EXOC6: variants seen among roughly 807,000 people sequenced by gnomAD.
EXOC6 encodes the protein exocyst complex component 6, also known as SEC15-like 1.
A neutral mutation model predicts 112.5 loss-of-function variants in EXOC6; 60 were observed. That is an observed-to-expected ratio of 0.53 (90% CI 0.43 to 0.66). The LOEUF (loss-of-function observed/expected upper bound fraction) is 0.66, where lower values mean the gene tolerates loss of function less well. Ranked by LOEUF, EXOC6 falls within the 30% of genes least tolerant of loss-of-function variation. The pLI is 0.00. For synonymous variants in EXOC6, 295 were observed against 308.0 expected, an observed-to-expected ratio of 0.96 and a Z score of 0.44; for missense variants, 855 against 957.1, an observed-to-expected ratio of 0.89 and a Z score of 1.41.
chr10:92,936,763 A>G (rs1852367099), intron 12 of EXOC6, among the ~76,000 whole-genome samples: 1 of 152,188 alleles, frequency 6.6e-6, no homozygotes, highest in Non-Finnish European at 1.5e-5. Flanking sequence ...TAGAAACAAT[A>G]TTACGGGGTG....
chr10:92,990,133 TA>T (rs2134152583), intron 18 of EXOC6, among the ~76,000 whole-genome samples: 1 of 152,326 alleles, frequency 6.6e-6, no homozygotes, highest in African/African-American at 2.4e-5. Flanking sequence ...ATTTTTTTCT[TA>T]TTAAGCTTTT....
intron 17 of EXOC6, among the ~76,000 whole-genome samples, chr10:92,960,742 C>G (rs1356067645): frequency 6.6e-6 from 1 of 151,998 alleles, no homozygotes; most frequent in African/African-American, 2.4e-5. Context: ...AGTAGTTTTG[C>G]CTTTTTCTGG....
At chr10:93,015,350 G>T (rs1016494956) in intron 20 of EXOC6, among the ~76,000 whole-genome samples, 1 of 152,130 alleles carries the variant, frequency 6.6e-6, no homozygotes, top group African/African-American at 2.4e-5. Context: ...GGAAAGATGT[G>T]GTTGAAATAA....
chr10:92,916,001 G>A (rs1246918520), intron 7 of EXOC6, 88 bp downstream of exon 7: 6 of 954,592 alleles, frequency 6.3e-6, no homozygotes, highest in Non-Finnish European at 9.1e-6. Flanking sequence ...TAGTCTTCCT[G>A]TATGCAAAAT....
At chr10:92,900,745 A>C (rs1019621900) in intron 5 of EXOC6, 2 of 150,308 alleles carry the variant, frequency 1.3e-5, no homozygotes, top group Non-Finnish European at 3.0e-5. Flanking sequence ...TACCTCTTTT[A>C]ATGGATTATT....
At chr10:93,016,719 C>T (rs1844535992) in intron 20 of EXOC6, among the ~76,000 whole-genome samples, 1 of 151,956 alleles carries the variant, frequency 6.6e-6, no homozygotes. Flanking sequence ...ATTCTGATGT[C>T]TTGATATATG....
intron 17 of EXOC6, among the ~76,000 whole-genome samples, chr10:92,969,880 G>A (rs1842216685): frequency 6.6e-6 from 1 of 152,034 alleles, no homozygotes; most frequent in Admixed American, 6.6e-5. Context: ...TTTTGGTAGA[G>A]ACAGGGTTTC....
chr10:92,913,153 C>G (rs1028234658), intron 6 of EXOC6, among the ~76,000 whole-genome samples: 2 of 152,136 alleles, frequency 1.3e-5, no homozygotes, highest in African/African-American at 4.8e-5. Flanking sequence ...AGGGGGTCTC[C>G]CTACAAGATA....
At chr10:92,897,129 T>G (rs1238532340) in intron 4 of EXOC6, among the ~76,000 whole-genome samples, 2 of 152,160 alleles carry the variant, frequency 1.3e-5, no homozygotes, top group Non-Finnish European at 2.9e-5. Context: ...CCTTAAAAAT[T>G]GGGTACTGAT....
chr10:92,856,514 T>C (rs1481305645), intron 1 of EXOC6, among the ~76,000 whole-genome samples: 1 of 152,194 alleles, frequency 6.6e-6, no homozygotes, highest in African/African-American at 2.4e-5. Context: ...GTCCTTCTGT[T>C]ATTAATTTCT....
chr10:93,007,288 A>AT (rs58873245), intron 19 of EXOC6, among the ~76,000 whole-genome samples: 7 of 150,172 alleles, frequency 4.7e-5, no homozygotes, highest in Non-Finnish European at 7.4e-5. Flanking sequence ...CTACTCAAAA[A>AT]TTTTTTTTTT....
At chr10:92,966,288 ATT>A (rs1564869643) in intron 17 of EXOC6, among the ~76,000 whole-genome samples, 11 of 146,384 alleles carry the variant, frequency 7.5e-5, no homozygotes, top group African/African-American at 2.3e-4. Context: ...TATAATTATT[ATT>A]ATTATTATTA....
intron 18 of EXOC6, among the ~76,000 whole-genome samples, chr10:92,975,021 T>C (rs1179851566): frequency 2.6e-4 from 30 of 117,606 alleles, no homozygotes; most frequent in South Asian, 9.5e-4. Context: ...CTCTGCCTGG[T>C]CGCCCATTGT....
chr10:92,892,730 C>T (rs1206750331), intron 1 of EXOC6, among the ~76,000 whole-genome samples: 4 of 152,168 alleles, frequency 2.6e-5, no homozygotes, highest in Admixed American at 2.6e-4. Flanking sequence ...AGCTGAGAGA[C>T]AGTAGGAATG....
intron 17 of EXOC6, among the ~76,000 whole-genome samples, chr10:92,967,115 C>T (rs4412673): frequency 0.38 from 56,870 of 150,326 alleles, 11,089 homozygotes; most frequent in Middle Eastern, 0.49. Context: ...TCATATCCTT[C>T]GCCCACTTTT....
intron 17 of EXOC6, among the ~76,000 whole-genome samples, chr10:92,972,575 T>A (rs1412811649): frequency 6.6e-6 from 1 of 152,176 alleles, no homozygotes; most frequent in African/African-American, 2.4e-5. Context: ...ATGGCACTGG[T>A]GGGTATGTGA....
intron 20 of EXOC6, among the ~76,000 whole-genome samples, chr10:93,047,877 C>T (rs552687994): frequency 2.0e-5 from 3 of 152,100 alleles, no homozygotes; most frequent in Admixed American, 6.5e-5. Context: ...ACCTGGGAGG[C>T]GGAGGTTGCA....
At chr10:93,056,310 G>A (rs1846534747) in intron 20 of EXOC6, among the ~76,000 whole-genome samples, 1 of 152,080 alleles carries the variant, frequency 6.6e-6, no homozygotes, top group African/African-American at 2.4e-5. Flanking sequence ...GTTGTTGTTT[G>A]TTTATACAAA....
chr10:92,889,809 G>A (rs1849408671), intron 1 of EXOC6, among the ~76,000 whole-genome samples: 1 of 151,902 alleles, frequency 6.6e-6, no homozygotes, highest in African/African-American at 2.4e-5. Flanking sequence ...GAGTGCGGTG[G>A]CACAATCATG....
Sources: allele counts gnomAD v4.1 joint callset (sites outside exome capture counted in the v4.1 genomes callset), GRCh38; gene constraint gnomAD v4.1.1; transcripts MANE v1.5; gene names NCBI Gene and HGNC (gene_info 2026-07-23, HGNC 2026-07-21).